Variants in ECHDC3 observed in about 807,000 individuals in gnomAD.
ECHDC3 encodes enoyl-CoA hydratase domain-containing protein 3, mitochondrial.
ECHDC3 carries 20 observed loss-of-function variants against 17.9 expected under a neutral mutation model. That is an observed-to-expected ratio of 1.12 (90% CI 0.79 to 1.63). The LOEUF (loss-of-function observed/expected upper bound fraction) is 1.63, where lower values mean the gene tolerates loss of function less well. ECHDC3 is among the 40% of genes most tolerant of loss of function. The pLI is 0.00. For missense variants in ECHDC3, 407 were observed against 357.7 expected (o/e 1.14, Z -1.11); for synonymous variants, 177 against 149.7 (o/e 1.18, Z -1.33).
At chr10:11,751,172 C>G (rs1459547282) in intron 3 of ECHDC3, among the ~76,000 whole-genome samples, 1 of 152,164 alleles carries the variant, frequency 6.6e-6, no homozygotes, top group Admixed American at 6.5e-5. Context: ...ACCAGTAAAG[C>G]CCTTTTATCC....
intron 1 of ECHDC3, among the ~76,000 whole-genome samples, chr10:11,743,094 C>T (rs1187175284): frequency 1.3e-5 from 2 of 152,206 alleles, no homozygotes; most frequent in Non-Finnish European, 1.5e-5. Flanking sequence ...CACAGAGGCG[C>T]GGGGCTGGGG....
At position 11,742,675 on chromosome 10, in the gene ECHDC3, G is replaced by A. The variant is rs890907207; in HGVS notation, c.99G>A (p.Arg33=). ...AGCTCCCCGCCCGCTTCTGCAGCCG[G>A]GACCCGGCCGGGGCGGGGCGGCGGG... is the stretch of plus-strand genomic sequence containing the variant. ...WAQLPARFCS[R]DPAGAGRRES... Residue 33 remains arginine, a synonymous_variant, in exon 1 of 5, where the codon CGG becomes CGA. Coordinates refer to ENST00000379215, the MANE Select transcript of ECHDC3 (RefSeq NM_024693.5). The A allele has an allele frequency of 8.0e-7, 1 of 1,247,010 alleles. No individual in the cohort carries two copies. The highest frequency in any genetic ancestry group is 1.0e-6 in the Non-Finnish European group (1 of 997,062). 77.2% of individuals were successfully genotyped at this position (1,247,010 alleles called of 1,614,324 possible).
At chr10:11,762,419 T>C (rs1377672504) in intron 4 of ECHDC3, among the ~76,000 whole-genome samples, 1 of 152,218 alleles carries the variant, frequency 6.6e-6, no homozygotes, top group Non-Finnish European at 1.5e-5. Context: ...TGTGAGAGCC[T>C]GAGTGACGGG....
chr10:11,757,262 C>T (rs554187277), intron 4 of ECHDC3, among the ~76,000 whole-genome samples: 1 of 152,266 alleles, frequency 6.6e-6, no homozygotes, highest in African/African-American at 2.4e-5. Flanking sequence ...GATAAGAACC[C>T]ATTCTCTCTT....
At chr10:11,751,866 A>G (rs887784331) in intron 3 of ECHDC3, among the ~76,000 whole-genome samples, 12 of 152,234 alleles carry the variant, frequency 7.9e-5, no homozygotes, top group African/African-American at 2.7e-4. Context: ...TCAAATGACA[A>G]TGGGACAAGA....
At position 11,751,745 on chromosome 10, in the gene ECHDC3, G is replaced by A. The variant is rs146428138; in HGVS notation, c.390+2153G>A. Among the ~76,000 whole-genome samples, 105 of 152,310 alleles carry A rather than the reference G, an allele frequency of 6.9e-4. 3 individuals are homozygous for A. In the East Asian group the frequency reaches 0.019, roughly 27 times the overall value. On this transcript the variant is annotated intron_variant, in intron 3 of 4. Transcript: ENST00000379215. ...AAGAGTGAAAATGACCTGCCATGGC[G>A]CTCAGGTTAGAGACTTCTTCCTTGT...
chr10:11,761,047 GCCCTGCATCACCCGT>G (rs1475261218), intron 4 of ECHDC3, among the ~76,000 whole-genome samples: 2 of 151,836 alleles, frequency 1.3e-5, no homozygotes, highest in African/African-American at 2.4e-5. Flanking sequence ...AGAAAAGGAG[GCCCTGCATCACCCGT>G]CCCTGGCTGC....
chr10:11,751,450 G>A (rs990106258), intron 3 of ECHDC3, among the ~76,000 whole-genome samples: 6 of 152,248 alleles, frequency 3.9e-5, no homozygotes, highest in African/African-American at 1.4e-4. Context: ...GGATAAATAT[G>A]AGTGCCATGA....
chr10:11,762,444 G>T (rs1441847982), intron 4 of ECHDC3, among the ~76,000 whole-genome samples: 3 of 152,238 alleles, frequency 2.0e-5, no homozygotes, highest in Admixed American at 6.5e-5. Context: ...GAAGGGAAGG[G>T]CCCCTGCCTG....
intron 2 of ECHDC3, 97 bp from the exon 3 acceptor site, chr10:11,749,398 T>G: frequency 8.8e-7 from 1 of 1,130,464 alleles, no homozygotes; most frequent in Non-Finnish European, 1.3e-6. Context: ...AGTGAAAGTT[T>G]GCTGAAGTTA....
chr10:11,757,700 C>G (rs1349704412), intron 4 of ECHDC3, among the ~76,000 whole-genome samples: 1 of 152,136 alleles, frequency 6.6e-6, no homozygotes, highest in Non-Finnish European at 1.5e-5. Flanking sequence ...CCACTCAGAG[C>G]CATGACTCAG....
chr10:11,754,419 A>C (rs983306847), intron 3 of ECHDC3, among the ~76,000 whole-genome samples: 6 of 152,180 alleles, frequency 3.9e-5, no homozygotes, highest in African/African-American at 1.4e-4. Flanking sequence ...AAGTTCTGGA[A>C]ATGTATTGGT....
At chr10:11,748,883 C>A (rs1047289500) in intron 2 of ECHDC3, among the ~76,000 whole-genome samples, 2 of 152,188 alleles carry the variant, frequency 1.3e-5, no homozygotes, top group Non-Finnish European at 2.9e-5. Context: ...AAGACTCTGT[C>A]TCAAACAACA....
chr10:11,749,245 T>C (rs187887609), intron 2 of ECHDC3, among the ~76,000 whole-genome samples: 1 of 152,350 alleles, frequency 6.6e-6, no homozygotes, highest in East Asian at 1.9e-4. Flanking sequence ...TGTGTATTTC[T>C]ATCATTTTCC....
At chr10:11,748,933 G>C (rs1352472328) in intron 2 of ECHDC3, among the ~76,000 whole-genome samples, 1 of 152,184 alleles carries the variant, frequency 6.6e-6, no homozygotes, top group Non-Finnish European at 1.5e-5. Context: ...AATGTTATCA[G>C]CTCATCAGTA....
At chr10:11,760,786 CGT>C (rs1832940648) in intron 4 of ECHDC3, among the ~76,000 whole-genome samples, 1 of 152,184 alleles carries the variant, frequency 6.6e-6, no homozygotes. Context: ...GTCCTGGCCC[CGT>C]GCTGTGACCT....
intron 4 of ECHDC3, among the ~76,000 whole-genome samples, chr10:11,756,013 G>A (rs1325192832): frequency 3.9e-5 from 6 of 152,222 alleles, no homozygotes; most frequent in Admixed American, 3.3e-4. Context: ...CTGACATAAT[G>A]CCAGTATCAA....
rs1468350765 is a variant in ECHDC3 at position 11,743,038 on chromosome 10, G to A, written c.170+292G>A. The stretch of plus-strand genomic sequence containing the variant: ...AGGAGGGCTCTGGGCCCCAGACCCG[G>A]CCCTAGGGGAAGTGTGGGCTTGGTC... On this transcript the variant is annotated intron_variant, in intron 1 of 4. Transcript: ENST00000379215. The A allele has an allele frequency of 2.0e-5, 6 of 303,378 alleles. No individual in the cohort carries two copies. In the East Asian group the frequency reaches 2.7e-4, roughly 14 times the overall value. 18.8% of individuals were successfully genotyped at this position (303,378 alleles called of 1,614,324 possible).
At chr10:11,756,138 C>T (rs1427067958) in intron 4 of ECHDC3, among the ~76,000 whole-genome samples, 1 of 152,202 alleles carries the variant, frequency 6.6e-6, no homozygotes, top group African/African-American at 2.4e-5. Flanking sequence ...GGTTGCATTT[C>T]AGGAACATGA....
Sources: gnomAD v4.1 joint callset for allele counts (sites outside exome capture counted in the v4.1 genomes callset) on GRCh38, gnomAD v4.1.1 for gene constraint, MANE v1.5 for transcripts, NCBI Gene and HGNC (gene_info 2026-07-23, HGNC 2026-07-21) for gene names.